UTP18: variants seen among roughly 807,000 people sequenced by gnomAD.
UTP18 encodes U3 small nucleolar RNA-associated protein 18 homolog.
UTP18 carries 36 observed loss-of-function variants against 61.1 expected under a neutral mutation model. The ratio of observed to expected loss-of-function variants is 0.59; its 90% CI spans 0.45 to 0.78. The LOEUF (loss-of-function observed/expected upper bound fraction) is 0.78, where lower values mean the gene tolerates loss of function less well. Among genes scored for constraint, UTP18 ranks in the 30% least tolerant of loss-of-function variants. The pLI is 0.00. For missense variants in UTP18, 753 were observed against 693.9 expected (o/e 1.09, Z -0.96); for synonymous variants, 282 against 251.1 (o/e 1.12, Z -1.16).
intron 7 of UTP18, among the ~76,000 whole-genome samples, chr17:51,279,557 G>A (rs934945272): frequency 6.6e-6 from 1 of 151,794 alleles, no homozygotes; most frequent in African/African-American, 2.4e-5. Flanking sequence ...TCCATCATGA[G>A]CTGCTTAGTA....
chr17:51,269,422 T>A (rs1904435421), intron 4 of UTP18, among the ~76,000 whole-genome samples: 1 of 151,580 alleles, frequency 6.6e-6, no homozygotes, highest in African/African-American at 2.4e-5. Flanking sequence ...CTATTATAAA[T>A]ATGGATGGCT....
In UTP18 at chr17:51,285,309, A is replaced by G; in HGVS notation, c.1269A>G (p.Glu423=). The change falls in exon 10 of 14, where the codon GAA becomes GAG. Residue 423 remains glutamate (E), a synonymous_variant. Transcript: ENST00000225298. The part of the protein sequence containing the change: ...SRKCLNRFVD[E]GSLYGLSIAT... ...AGTGCCTTAACAGATTTGTTGATGA[A>G]GGCAGTTTATATGGATTAAGCATTG... The G allele has an allele frequency of 1.9e-6, 3 of 1,613,994 alleles. No individual in the cohort carries two copies. The highest frequency in any genetic ancestry group is 4.5e-5 in the East Asian group (2 of 44,844).
At chr17:51,274,968 C>T (rs1434889561) in intron 5 of UTP18, among the ~76,000 whole-genome samples, 2 of 151,588 alleles carry the variant, frequency 1.3e-5, no homozygotes, top group East Asian at 2.0e-4. Flanking sequence ...GAGGCCGAGG[C>T]GGGCAGATCA....
At position 51,288,045 on chromosome 17, in the gene UTP18, G is replaced by A. The variant is rs1905157810; in HGVS notation, c.1345G>A (p.Val449Ile). ...YVACGSNCGV[V>I]NIYNQDSCLQ... ...TCTTTGTAGTTCTAATTGTGGAGTG[G>A]TAAATATATACAATCAAGATTCTTG... The change falls in exon 11 of 14, where the codon GTA becomes ATA. Residue 449 changes from valine (V) to isoleucine (I), a missense_variant. By Grantham distance (29) the Val-to-Ile change is conservative (BLOSUM62 3). Transcript: ENST00000225298. The A allele has an allele frequency of 1.9e-6, 3 of 1,583,938 alleles. No individual in the cohort carries two copies. The highest frequency in any genetic ancestry group is 2.6e-6 in the Non-Finnish European group (3 of 1,171,468).
intron 5 of UTP18, among the ~76,000 whole-genome samples, 197 bp from the exon 6 acceptor site, chr17:51,275,669 G>C (rs900053213): frequency 6.6e-6 from 1 of 151,160 alleles, no homozygotes; most frequent in Non-Finnish European, 1.5e-5. Flanking sequence ...GGATTCTTTT[G>C]TGGTAAAGTG....
At chr17:51,268,447 T>C (rs1312836978) in intron 3 of UTP18, among the ~76,000 whole-genome samples, 2 of 152,266 alleles carry the variant, frequency 1.3e-5, no homozygotes, top group Admixed American at 6.5e-5. Context: ...CTTAACAATC[T>C]GGTCAGTTTC....
intron 6 of UTP18, among the ~76,000 whole-genome samples, chr17:51,276,741 T>G (rs2144414647): frequency 6.6e-6 from 1 of 152,278 alleles, no homozygotes; most frequent in Middle Eastern, 3.4e-3. Context: ...CAGTTTTCTT[T>G]TAGAGAATAA....
intron 11 of UTP18, among the ~76,000 whole-genome samples, chr17:51,293,130 T>C (rs1905273990): frequency 6.6e-6 from 1 of 152,242 alleles, no homozygotes; most frequent in East Asian, 1.9e-4. Flanking sequence ...GATCAGATTT[T>C]AGTATTCTTT....
At chr17:51,274,129 A>G (rs753547204) in intron 5 of UTP18, among the ~76,000 whole-genome samples, 2 of 152,278 alleles carry the variant, frequency 1.3e-5, no homozygotes, top group Middle Eastern at 3.4e-3. Flanking sequence ...TTTCTTGGAC[A>G]TGCTGCTAGG....
intron 3 of UTP18, among the ~76,000 whole-genome samples, chr17:51,266,600 T>C (rs1039991268): frequency 1.3e-5 from 2 of 152,190 alleles, no homozygotes; most frequent in African/African-American, 4.8e-5. Flanking sequence ...GGTTCAATGG[T>C]TTTTAACATT....
intron 3 of UTP18, among the ~76,000 whole-genome samples, chr17:51,267,141 T>G (rs186750281): frequency 1.3e-5 from 2 of 152,302 alleles, no homozygotes; most frequent in African/African-American, 4.8e-5. Flanking sequence ...TTTTGTATTT[T>G]TTTGTAGAGA....
At chr17:51,276,012 A>C (rs1441388753) in intron 6 of UTP18, 21 bp downstream of exon 6, 5 of 1,582,116 alleles carry the variant, frequency 3.2e-6, no homozygotes, top group Non-Finnish European at 3.4e-6. Flanking sequence ...TTATTTACTT[A>C]TTTATTTCTA....
At chr17:51,297,591 G>A (rs1905401917) in intron 13 of UTP18, among the ~76,000 whole-genome samples, 191 bp from the exon 14 acceptor site, 1 of 152,178 alleles carries the variant, frequency 6.6e-6, no homozygotes, top group African/African-American at 2.4e-5. Flanking sequence ...AATGTTGAGG[G>A]ACTTTGAGAA....
At chr17:51,262,390 T>A (rs952872934) in intron 1 of UTP18, among the ~76,000 whole-genome samples, 1 of 152,150 alleles carries the variant, frequency 6.6e-6, no homozygotes, top group African/African-American at 2.4e-5. Context: ...GGCCTAGGTT[T>A]AGATTTGATA....
chr17:51,274,924 G>A (rs1287762454), intron 5 of UTP18, among the ~76,000 whole-genome samples: 1 of 151,564 alleles, frequency 6.6e-6, no homozygotes, highest in South Asian at 2.1e-4. Flanking sequence ...ATGGCCGGGC[G>A]CAGTGGCTCA....
intron 6 of UTP18, among the ~76,000 whole-genome samples, chr17:51,276,820 C>G (rs139843590): frequency 0.019 from 2,832 of 152,274 alleles, 76 homozygotes; most frequent in African/African-American, 0.063. Flanking sequence ...TGGACAAACT[C>G]AAGAAATTAG....
intron 9 of UTP18, among the ~76,000 whole-genome samples, chr17:51,282,447 A>G (rs1305935016): frequency 6.6e-6 from 1 of 151,910 alleles, no homozygotes; most frequent in Admixed American, 6.6e-5. Flanking sequence ...AGTTTTTGTG[A>G]GAAGAAAGAA....
At chr17:51,272,032 A>C (rs1904547157) in intron 4 of UTP18, among the ~76,000 whole-genome samples, 1 of 152,092 alleles carries the variant, frequency 6.6e-6, no homozygotes, top group East Asian at 1.9e-4. Flanking sequence ...AATATTCTAC[A>C]TTTCTGGCTC....
At chr17:51,266,395 T>C (rs1482449399) in intron 3 of UTP18, 115 bp downstream of exon 3, 17 of 640,304 alleles carry the variant, frequency 2.7e-5, no homozygotes, top group South Asian at 1.1e-4. Context: ...AGGATTGCTA[T>C]TGTGGGCAGT....
Sources: gnomAD v4.1 joint callset for allele counts (sites outside exome capture counted in the v4.1 genomes callset) on GRCh38, gnomAD v4.1.1 for gene constraint, MANE v1.5 for transcripts, NCBI Gene and HGNC (gene_info 2026-07-23, HGNC 2026-07-21) for gene names.